UNC13C: variants seen among roughly 807,000 people sequenced by gnomAD.
The protein encoded by UNC13C is protein unc-13 homolog C.
A neutral mutation model predicts 245.4 loss-of-function variants in UNC13C; 174 were observed. The observed-to-expected ratio is 0.71, with a 90% CI of 0.63 to 0.80. UNC13C has a LOEUF of 0.80. UNC13C is among the 30% of genes least tolerant of loss of function. The pLI is 0.00. For synonymous variants in UNC13C, 992 were observed against 895.1 expected (o/e 1.11, Z -1.93); for missense variants, 2,829 against 2,602.9 (o/e 1.09, Z -1.89).
intron 14 of UNC13C, among the ~76,000 whole-genome samples, chr15:54,322,534 C>T (rs187440106): frequency 4.6e-5 from 7 of 151,992 alleles, no homozygotes; most frequent in Middle Eastern, 3.2e-3. Context: ...GATAGTGGCA[C>T]ATCCTCTAAG....
intron 30 of UNC13C, among the ~76,000 whole-genome samples, chr15:54,592,339 T>G (rs1029854525): frequency 1.3e-5 from 2 of 152,152 alleles, no homozygotes; most frequent in Non-Finnish European, 2.9e-5. Context: ...TTTAAATCCA[T>G]TGTTTCTTTG....
chr15:54,130,287 A>AT lies in UNC13C; in HGVS notation c.2984-12710dup, dbSNP rs71824258. Among the ~76,000 whole-genome samples, 257 of 81,264 alleles carry AT rather than the reference A, an allele frequency of 3.2e-3. 9 individuals carry two copies. The highest frequency in any genetic ancestry group is 7.1e-3 in the African/African-American group (146 of 20,566). 53.3% of individuals were successfully genotyped at this position (81,264 alleles called of 152,430 possible). On this transcript the variant is annotated intron_variant, in intron 2 of 32. Transcript: ENST00000260323. ...TTCTTCGTGGCCAGGTAGATAATTAATTTTTTTTTTTTTTTTTTTTTGTGA... is the reference window on the plus strand; with the variant it reads ...TTCTTCGTGGCCAGGTAGATAATTAATTTTTTTTTTTTTTTTTTTTTTGTGA...
intron 17 of UNC13C, among the ~76,000 whole-genome samples, chr15:54,344,146 G>A (rs958760): frequency 0.61 from 92,568 of 152,020 alleles, 29,211 homozygotes; most frequent in East Asian, 0.77. Flanking sequence ...ATCAAAGTTT[G>A]GTCAAAGAGA....
Position 54,061,769 on chromosome 15 carries a change from C to G in UNC13C, c.2983+45883C>G, listed in dbSNP as rs182263595. Among the ~76,000 whole-genome samples, 106 of 152,122 alleles carry G rather than the reference C, an allele frequency of 7.0e-4. 4 individuals carry two copies. In the South Asian group the frequency reaches 0.011, roughly 16 times the overall value. The stretch of plus-strand genomic sequence containing the variant: ...CACTGTATGCAGCCTGATAATGGCT[C>G]TAGAATGCCTTGGAGGCAGAAAGAA... On this transcript the variant is annotated intron_variant, in intron 2 of 32. Transcript: ENST00000260323.
At chr15:54,222,777 A>T (rs928474810) in intron 4 of UNC13C, among the ~76,000 whole-genome samples, 1 of 151,940 alleles carries the variant, frequency 6.6e-6, no homozygotes, top group African/African-American at 2.4e-5. Flanking sequence ...TTTGGATAAA[A>T]GCCATTTTTT....
At chr15:54,552,105 C>T (rs1896763140) in intron 28 of UNC13C, among the ~76,000 whole-genome samples, 1 of 149,758 alleles carries the variant, frequency 6.7e-6, no homozygotes, top group East Asian at 1.9e-4. Context: ...AAAAATGAAA[C>T]AATGTGGGGA....
chr15:54,030,664 T>C (rs1896319813), intron 2 of UNC13C, among the ~76,000 whole-genome samples: 1 of 152,172 alleles, frequency 6.6e-6, no homozygotes, highest in Non-Finnish European at 1.5e-5. Context: ...AGAATAGAAA[T>C]TTATTTTCTC....
At chr15:54,472,193 T>G (rs1454210357) in intron 19 of UNC13C, among the ~76,000 whole-genome samples, 4 of 151,814 alleles carry the variant, frequency 2.6e-5, no homozygotes, top group Non-Finnish European at 5.9e-5. Context: ...ACTGGCTATT[T>G]TAAGCTGATA....
intron 2 of UNC13C, among the ~76,000 whole-genome samples, chr15:54,116,995 G>C (rs1378277921): frequency 6.6e-6 from 1 of 151,932 alleles, no homozygotes; most frequent in African/African-American, 2.4e-5. Flanking sequence ...ATCACATTAT[G>C]GTTTTGATAT....
intron 26 of UNC13C, among the ~76,000 whole-genome samples, chr15:54,534,286 A>T (rs1159903758): frequency 6.6e-6 from 1 of 152,168 alleles, no homozygotes; most frequent in African/African-American, 2.4e-5. Context: ...GGGTTAGGAC[A>T]TGCAATCCAG....
At chr15:54,362,837 G>C (rs1205434540) in intron 17 of UNC13C, among the ~76,000 whole-genome samples, 3 of 152,150 alleles carry the variant, frequency 2.0e-5, no homozygotes, top group Non-Finnish European at 4.4e-5. Flanking sequence ...TACATAGGAG[G>C]CTCACATAAT....
At chr15:54,135,528 T>G (rs1363165123) in intron 2 of UNC13C, among the ~76,000 whole-genome samples, 1 of 152,196 alleles carries the variant, frequency 6.6e-6, no homozygotes, top group Non-Finnish European at 1.5e-5. Flanking sequence ...GGATATCTCA[T>G]TTTTCCAATA....
At chr15:54,473,347 C>A (rs1286288188) in intron 19 of UNC13C, among the ~76,000 whole-genome samples, 1 of 151,806 alleles carries the variant, frequency 6.6e-6, no homozygotes. Context: ...TTGATCATTT[C>A]TTTGTGTTAG....
chr15:54,396,884 T>C (rs12439795), intron 18 of UNC13C, among the ~76,000 whole-genome samples: 34 of 151,218 alleles, frequency 2.2e-4, no homozygotes, highest in Admixed American at 1.9e-3. Flanking sequence ...TATCTTATTA[T>C]TGTTAAGTTG....
At position 54,624,646 on chromosome 15, in the gene UNC13C, T is replaced by C. The variant is rs531725980; in HGVS notation, c.6359+692T>C. On this transcript the variant is annotated intron_variant, in intron 32 of 32. Coordinates refer to ENST00000260323, the MANE Select transcript of UNC13C (RefSeq NM_001080534.3). Reference sequence around the variant, plus strand: ...AATTATACGGTGGCAAGACCAAATATGTAAAGATCAGTTAGAAGGCTATTG... The same window carrying C: ...AATTATACGGTGGCAAGACCAAATACGTAAAGATCAGTTAGAAGGCTATTG... 2.0e-5 allele frequency among the ~76,000 whole-genome samples: 3 copies of C among 152,256 alleles called. 1 individual carries two copies. The South Asian group carries it at 6.2e-4, about 32-fold the overall frequency.
Position 54,345,760 on chromosome 15 carries a change from T to A in UNC13C, c.4713+7271T>A, listed in dbSNP as rs954068732. Among the ~76,000 whole-genome samples, 4 of 152,118 alleles carry A rather than the reference T, an allele frequency of 2.6e-5. No homozygotes were observed. The East Asian group carries it at 7.7e-4, about 29-fold the overall frequency. On this transcript the variant is annotated intron_variant, in intron 17 of 32. Transcript: ENST00000260323. ...ATCCTATTTATAACTCTGGACCAGC[T>A]CCCCATTTACTCAGAGGATGAAGTC...
intron 2 of UNC13C, among the ~76,000 whole-genome samples, chr15:54,042,822 C>T (rs900602655): frequency 6.6e-6 from 1 of 151,982 alleles, no homozygotes; most frequent in African/African-American, 2.4e-5. Context: ...CACTGCACTC[C>T]AGCCTGGGTG....
chr15:54,368,904 C>T (rs2039426028), intron 17 of UNC13C, among the ~76,000 whole-genome samples: 1 of 152,048 alleles, frequency 6.6e-6, no homozygotes, highest in South Asian at 2.1e-4. Flanking sequence ...GCTGAGGAGT[C>T]TATTTCATAA....
At chr15:54,042,479 A>G (rs1320403233) in intron 2 of UNC13C, among the ~76,000 whole-genome samples, 1 of 152,214 alleles carries the variant, frequency 6.6e-6, no homozygotes, top group African/African-American at 2.4e-5. Context: ...GAAGAATCTT[A>G]TATTCCAGTG....
Sources: gnomAD v4.1 joint callset for allele counts (sites outside exome capture counted in the v4.1 genomes callset) on GRCh38, gnomAD v4.1.1 for gene constraint, MANE v1.5 for transcripts, NCBI Gene and HGNC (gene_info 2026-07-23, HGNC 2026-07-21) for gene names.